The following MDGA2 variants were observed in gnomAD, a reference collection of about 807,000 sequenced individuals.
MDGA2 encodes MAM domain-containing glycosylphosphatidylinositol anchor protein 2.
In MDGA2, 40 loss-of-function variants were observed where a neutral mutation model predicts 117.8. The observed-to-expected ratio is 0.34, with a 90% CI of 0.26 to 0.44. MDGA2 has a LOEUF of 0.44. Ranked by LOEUF, MDGA2 falls within the 20% of genes least tolerant of loss-of-function variation. MDGA2 has a pLI of 1.00. For synonymous variants in MDGA2, 452 were observed against 439.0 expected, an observed-to-expected ratio of 1.03 and a Z score of -0.37; for missense variants, 1,123 against 1,250.6, an observed-to-expected ratio of 0.90 and a Z score of 1.54.
In MDGA2 at chr14:47,641,000, C is replaced by CT. The variant is rs537076518; in HGVS notation, c.280+33516dup. 4.5e-3 allele frequency among the ~76,000 whole-genome samples: 664 copies of CT among 148,576 alleles called. 4 individuals are homozygous for CT. Among genetic ancestry groups the CT allele is most frequent in the East Asian group, 0.017 (85 of 5,108 alleles). On this transcript the variant is annotated intron_variant, in intron 1 of 16. Coordinates refer to ENST00000399232, the MANE Select transcript of MDGA2 (RefSeq NM_001113498.3). The stretch of plus-strand genomic sequence containing the variant: ...AGCAAGTTCGCAATGATTTCTTTAC[C>CT]TTTTTTTTTTGTTTTCCCTACTCAA...
intron 13 of MDGA2, 148 bp from the exon 14 acceptor site, chr14:46,873,739 T>G: frequency 1.5e-6 from 1 of 668,454 alleles, no homozygotes; most frequent in Non-Finnish European, 2.4e-6. Flanking sequence ...TGTGTATATG[T>G]AACTAATAGT....
chr14:47,248,970 CCT>C (rs1241997777), intron 2 of MDGA2, among the ~76,000 whole-genome samples: 2 of 114,820 alleles, frequency 1.7e-5, no homozygotes, highest in African/African-American at 2.9e-5. Flanking sequence ...TTTCTTCCTT[CCT>C]TCTCTCTCTT....
intron 7 of MDGA2, among the ~76,000 whole-genome samples, chr14:47,052,413 T>C (rs1889491371): frequency 6.6e-6 from 1 of 151,872 alleles, no homozygotes; most frequent in Non-Finnish European, 1.5e-5. Flanking sequence ...AGTTGTAAAG[T>C]CAAACCTTTG....
At chr14:47,593,963 G>A (rs950245288) in intron 1 of MDGA2, among the ~76,000 whole-genome samples, 5 of 152,160 alleles carry the variant, frequency 3.3e-5, no homozygotes, top group African/African-American at 1.2e-4. Flanking sequence ...TTCTTGCAGA[G>A]AGATTTGTGT....
chr14:47,485,470 G>GCCAT (rs1440255582), intron 1 of MDGA2, among the ~76,000 whole-genome samples: 1 of 152,164 alleles, frequency 6.6e-6, no homozygotes, highest in Admixed American at 6.5e-5. Context: ...GCCTAACAAT[G>GCCAT]CAATAGGAAA....
At position 47,142,242 on chromosome 14, in the gene MDGA2, G is replaced by C. The variant is rs1882751513; in HGVS notation, c.792+1836C>G. Among the ~76,000 whole-genome samples, 4 of 152,202 alleles carry C rather than the reference G, an allele frequency of 2.6e-5. No individual in the cohort carries two copies. The South Asian group carries it at 8.3e-4, about 32-fold the overall frequency. ...GTGGATTGCTTGAGGTCAGGAGCTTGAGATCAGCCTAGCCAACATGGTGAA... is the reference window on the plus strand; with the variant it reads ...GTGGATTGCTTGAGGTCAGGAGCTTCAGATCAGCCTAGCCAACATGGTGAA... On this transcript the variant is annotated intron_variant, in intron 4 of 16. Transcript: ENST00000399232.
chr14:47,673,292 A>G (rs1322292039), intron 1 of MDGA2, among the ~76,000 whole-genome samples: 2 of 152,216 alleles, frequency 1.3e-5, no homozygotes, highest in South Asian at 2.1e-4. Context: ...TCCACTCTGC[A>G]GTCAGTTCCA....
intron 9 of MDGA2, among the ~76,000 whole-genome samples, chr14:46,926,032 A>G (rs1355417798): frequency 2.6e-5 from 4 of 152,202 alleles, no homozygotes; most frequent in African/African-American, 9.6e-5. Context: ...AGCTCTCACC[A>G]CTATGGCTGA....
intron 8 of MDGA2, among the ~76,000 whole-genome samples, chr14:46,983,572 T>C (rs1325256937): frequency 6.6e-6 from 1 of 152,130 alleles, no homozygotes; most frequent in African/African-American, 2.4e-5. Flanking sequence ...AAAAATTAAA[T>C]GACATACATT....
At chr14:46,991,956 A>C (rs1027312349) in intron 8 of MDGA2, among the ~76,000 whole-genome samples, 5 of 152,126 alleles carry the variant, frequency 3.3e-5, no homozygotes, top group African/African-American at 1.2e-4. Flanking sequence ...ATAGGTTAGC[A>C]TTTTGTCATG....
At chr14:46,940,917 G>T (rs1244047352) in intron 9 of MDGA2, among the ~76,000 whole-genome samples, 1 of 152,096 alleles carries the variant, frequency 6.6e-6, no homozygotes, top group African/African-American at 2.4e-5. Context: ...AAGCCCAGAA[G>T]GTATGCTGTT....
chr14:47,331,985 A>G (rs1475555408), intron 1 of MDGA2, among the ~76,000 whole-genome samples: 1 of 152,052 alleles, frequency 6.6e-6, no homozygotes, highest in Non-Finnish European at 1.5e-5. Context: ...GATACAGAAA[A>G]ATGGAAGAAT....
chr14:47,396,883 G>A (rs1428045277), intron 1 of MDGA2, among the ~76,000 whole-genome samples: 5 of 152,118 alleles, frequency 3.3e-5, no homozygotes, highest in Non-Finnish European at 7.4e-5. Flanking sequence ...TTACACTGTT[G>A]GGAGTGTTAA....
chr14:46,997,870 A>G (rs1887353951), intron 8 of MDGA2, among the ~76,000 whole-genome samples: 2 of 152,174 alleles, frequency 1.3e-5, no homozygotes, highest in Admixed American at 6.6e-5. Context: ...ATTCTATTAT[A>G]ATGGGAAGGA....
chr14:47,274,393 T>A (rs1004755620), intron 2 of MDGA2, among the ~76,000 whole-genome samples: 1 of 152,128 alleles, frequency 6.6e-6, no homozygotes, highest in South Asian at 2.1e-4. Flanking sequence ...TCTTCCTTTT[T>A]GCGCATGTAT....
At chr14:47,353,618 G>A (rs1201820993) in intron 1 of MDGA2, among the ~76,000 whole-genome samples, 2 of 152,152 alleles carry the variant, frequency 1.3e-5, no homozygotes, top group East Asian at 3.9e-4. Context: ...AGAAGAAACA[G>A]AAAGCCTGAG....
intron 8 of MDGA2, among the ~76,000 whole-genome samples, chr14:46,993,518 G>C (rs1887173482): frequency 6.6e-6 from 1 of 151,616 alleles, no homozygotes; most frequent in South Asian, 2.1e-4. Flanking sequence ...CTGGAGTGCA[G>C]TGGTGTAATC....
At chr14:47,540,514 A>ATGTGTGTG (rs1566505955) in intron 1 of MDGA2, among the ~76,000 whole-genome samples, 17 of 98,256 alleles carry the variant, frequency 1.7e-4, no homozygotes, top group African/African-American at 5.5e-4. Flanking sequence ...GTATATGTAT[A>ATGTGTGTG]TGTATATGTG....
At chr14:47,205,976 A>G (rs1438643146) in intron 3 of MDGA2, among the ~76,000 whole-genome samples, 2 of 152,046 alleles carry the variant, frequency 1.3e-5, no homozygotes, top group Non-Finnish European at 2.9e-5. Context: ...TACCATATGA[A>G]GTAGAATTTT....
Sources: gnomAD v4.1 joint callset for allele counts (sites outside exome capture counted in the v4.1 genomes callset) on GRCh38, gnomAD v4.1.1 for gene constraint, MANE v1.5 for transcripts, NCBI Gene and HGNC (gene_info 2026-07-23, HGNC 2026-07-21) for gene names.